GRID2: variants seen among roughly 807,000 people sequenced by gnomAD.
GRID2 encodes glutamate receptor ionotropic, delta-2.
A neutral mutation model predicts 114.8 loss-of-function variants in GRID2; 33 were observed. The observed-to-expected ratio is 0.29, with a 90% CI of 0.22 to 0.38. GRID2 has a LOEUF of 0.38. Ranked by LOEUF, GRID2 falls within the 10% of genes least tolerant of loss-of-function variation. The pLI, the probability that GRID2 is intolerant of heterozygous loss-of-function variation, is 1.00. For synonymous variants in GRID2, 505 were observed against 449.9 expected, an observed-to-expected ratio of 1.12 and a Z score of -1.55; for missense variants, 1,184 against 1,257.7, an observed-to-expected ratio of 0.94 and a Z score of 0.89.
At chr4:92,524,544 T>G (rs1416726831) in intron 1 of GRID2, among the ~76,000 whole-genome samples, 2 of 151,698 alleles carry the variant, frequency 1.3e-5, no homozygotes, top group East Asian at 3.9e-4. Context: ...ATGACTCTTT[T>G]GTCTCTCTCT....
chr4:92,501,213 T>G (rs1173486435), intron 1 of GRID2, among the ~76,000 whole-genome samples: 1 of 152,160 alleles, frequency 6.6e-6, no homozygotes, highest in Non-Finnish European at 1.5e-5. Flanking sequence ...TTGCAGTAAT[T>G]GATTGATACA....
chr4:93,130,687 G>A (rs532677084), intron 4 of GRID2, among the ~76,000 whole-genome samples: 179 of 152,040 alleles, frequency 1.2e-3, no homozygotes, highest in African/African-American at 3.9e-3. Context: ...ATTGTTCTCC[G>A]TCATTAGATT....
intron 8 of GRID2, among the ~76,000 whole-genome samples, chr4:93,308,526 C>T (rs1579621689): frequency 6.6e-6 from 1 of 152,198 alleles, no homozygotes; most frequent in East Asian, 1.9e-4. Context: ...GCTGCAGGTT[C>T]AACACTGCTT....
intron 2 of GRID2, among the ~76,000 whole-genome samples, chr4:92,807,711 G>T (rs142717435): frequency 6.6e-6 from 1 of 151,872 alleles, no homozygotes; most frequent in Non-Finnish European, 1.5e-5. Context: ...ATAATAAGAC[G>T]GAAGAGAATC....
intron 2 of GRID2, among the ~76,000 whole-genome samples, chr4:92,960,471 G>C (rs942942249): frequency 1.1e-4 from 17 of 152,108 alleles, no homozygotes; most frequent in Middle Eastern, 3.4e-3. Flanking sequence ...ATTAAGGACT[G>C]TCATGTCTTC....
intron 2 of GRID2, among the ~76,000 whole-genome samples, chr4:92,811,020 C>A (rs1740641016): frequency 6.6e-6 from 1 of 152,054 alleles, no homozygotes; most frequent in South Asian, 2.1e-4. Flanking sequence ...TGGCCTCAAG[C>A]AGTCCACCTG....
At chr4:93,650,742 G>A (rs527396997) in intron 14 of GRID2, among the ~76,000 whole-genome samples, 19 of 152,184 alleles carry the variant, frequency 1.2e-4, no homozygotes, top group African/African-American at 4.3e-4. Flanking sequence ...TTCAGTGCAT[G>A]TAGAAAAATG....
intron 2 of GRID2, among the ~76,000 whole-genome samples, chr4:92,663,402 T>A (rs1162594364): frequency 6.6e-6 from 1 of 151,114 alleles, no homozygotes; most frequent in Non-Finnish European, 1.5e-5. Context: ...AATATACTAG[T>A]CAGGAAGTAA....
intron 14 of GRID2, among the ~76,000 whole-genome samples, chr4:93,636,912 C>T (rs1339581598): frequency 6.6e-6 from 1 of 152,142 alleles, no homozygotes; most frequent in East Asian, 1.9e-4. Context: ...AGTCCAGTGT[C>T]CCATCCCCTG....
At chr4:92,756,557 C>T (rs1422751664) in intron 2 of GRID2, among the ~76,000 whole-genome samples, 1 of 151,930 alleles carries the variant, frequency 6.6e-6, no homozygotes, top group African/African-American at 2.4e-5. Flanking sequence ...ACTTGTATTC[C>T]CACCAACAAT....
chr4:92,404,658 A>T (rs1323489304), intron 1 of GRID2, among the ~76,000 whole-genome samples: 1 of 152,242 alleles, frequency 6.6e-6, no homozygotes, highest in Non-Finnish European at 1.5e-5. Flanking sequence ...GATTGGATAA[A>T]GAAAATGTGG....
chr4:93,632,306 A>C (rs995218640), intron 14 of GRID2, among the ~76,000 whole-genome samples: 1 of 152,148 alleles, frequency 6.6e-6, no homozygotes, highest in Non-Finnish European at 1.5e-5. Context: ...CTACGTCCTG[A>C]ATGGTATTGC....
intron 1 of GRID2, among the ~76,000 whole-genome samples, chr4:93,798,012 G>C (rs1321139531): frequency 6.6e-6 from 1 of 151,942 alleles, no homozygotes; most frequent in Non-Finnish European, 1.5e-5. Flanking sequence ...AATTAGCCAG[G>C]CATGGTGGCA....
intron 14 of GRID2, among the ~76,000 whole-genome samples, chr4:93,682,066 A>G (rs1725608677): frequency 6.6e-6 from 1 of 151,724 alleles, no homozygotes; most frequent in Non-Finnish European, 1.5e-5. Context: ...TCTACAATGA[A>G]CTCAAACAAA....
At chr4:93,479,342 G>T (rs1321631528) in intron 11 of GRID2, among the ~76,000 whole-genome samples, 2 of 152,066 alleles carry the variant, frequency 1.3e-5, no homozygotes, top group African/African-American at 4.8e-5. Flanking sequence ...TGTGTGAAGT[G>T]CAATAAAGTG....
At chr4:92,777,858 C>G (rs2149356599) in intron 2 of GRID2, among the ~76,000 whole-genome samples, 1 of 152,136 alleles carries the variant, frequency 6.6e-6, no homozygotes, top group South Asian at 2.1e-4. Context: ...GATTCCAGAA[C>G]TATATGAGAA....
chr4:92,518,272 A>G lies in GRID2; in HGVS notation c.89-71859A>G, dbSNP rs13435785. Among the ~76,000 whole-genome samples the G allele has an allele frequency of 9.4e-3, 1,420 of 151,836 alleles. 9 individuals are homozygous for G. The highest frequency in any genetic ancestry group is 0.013 in the Non-Finnish European group (912 of 67,858). ...AGGTAAAGGTTAGCTCAACAGGCTTATTGCTACTATAAATTAAATCCTGGC... is the reference window on the plus strand; with the variant it reads ...AGGTAAAGGTTAGCTCAACAGGCTTGTTGCTACTATAAATTAAATCCTGGC... On this transcript the variant is annotated intron_variant, in intron 1 of 15. Coordinates refer to ENST00000282020, the MANE Select transcript of GRID2 (RefSeq NM_001510.4).
intron 2 of GRID2, among the ~76,000 whole-genome samples, chr4:92,860,228 G>A (rs545576751): frequency 9.9e-5 from 15 of 152,150 alleles, no homozygotes; most frequent in African/African-American, 2.6e-4. Context: ...TGAATAGAAC[G>A]TAAGAGGTGA....
intron 10 of GRID2, among the ~76,000 whole-genome samples, chr4:93,450,336 T>G (rs1467761380): frequency 6.6e-6 from 1 of 151,876 alleles, no homozygotes; most frequent in African/African-American, 2.4e-5. Flanking sequence ...TTATAATAAT[T>G]AGAATATTTC....
Sources: gnomAD v4.1 joint callset for allele counts (sites outside exome capture counted in the v4.1 genomes callset) on GRCh38, gnomAD v4.1.1 for gene constraint, MANE v1.5 for transcripts, NCBI Gene and HGNC (gene_info 2026-07-23, HGNC 2026-07-21) for gene names.